Variants in DOCK3 observed in about 807,000 individuals in gnomAD.
DOCK3 encodes the protein dedicator of cytokinesis 3.
Under a neutral mutation model 265.6 loss-of-function variants are expected in DOCK3, and 60 were observed. That is an observed-to-expected ratio of 0.23 (90% confidence interval 0.18 to 0.28). DOCK3 has a LOEUF of 0.28. DOCK3 is among the 10% of genes least tolerant of loss of function. The probability of loss-of-function intolerance (pLI) is 1.00; values close to 1 mark genes in which losing one functional copy is unlikely to be tolerated. For synonymous variants in DOCK3, 881 were observed against 938.0 expected, an observed-to-expected ratio of 0.94 and a Z score of 1.11; for missense variants, 1,981 against 2,594.3, an observed-to-expected ratio of 0.76 and a Z score of 5.14.
At chr3:51,160,950 CCTGTAATCCCAGCTACTCAGGAGG>C (rs1214568154) in intron 12 of DOCK3, among the ~76,000 whole-genome samples, 4 of 152,026 alleles carry the variant, frequency 2.6e-5, no homozygotes, top group Non-Finnish European at 5.9e-5. Context: ...GTGGCACGTG[CCTGTAATCCCAGCTACTCAGGAGG>C]CTGAGGCAGG....
chr3:51,116,732 C>T (rs6806090), intron 9 of DOCK3, among the ~76,000 whole-genome samples: 137,143 of 152,168 alleles, frequency 0.9, 61,998 homozygotes, highest in African/African-American at 0.95. Flanking sequence ...CAATTTTCAA[C>T]GGGAGTTCAC....
chr3:51,276,763 C>T (rs1480359), intron 25 of DOCK3, among the ~76,000 whole-genome samples: 10,994 of 152,000 alleles, frequency 0.072, 991 homozygotes, highest in East Asian at 0.32. Flanking sequence ...AATGATAAAT[C>T]GATGGATGGG....
chr3:50,707,491 T>C (rs2036489994), intron 1 of DOCK3, among the ~76,000 whole-genome samples: 1 of 152,078 alleles, frequency 6.6e-6, no homozygotes, highest in Non-Finnish European at 1.5e-5. Flanking sequence ...AATGCAAGAA[T>C]AGCCTAATAC....
At chr3:51,375,387 A>G (rs921953638) in intron 50 of DOCK3, among the ~76,000 whole-genome samples, 2 of 152,198 alleles carry the variant, frequency 1.3e-5, no homozygotes, top group Non-Finnish European at 2.9e-5. Context: ...CCAGGAGGCT[A>G]AACCTGTCAG....
chr3:51,251,182 C>A (rs1401544098), intron 22 of DOCK3, among the ~76,000 whole-genome samples: 1 of 152,208 alleles, frequency 6.6e-6, no homozygotes, highest in Non-Finnish European at 1.5e-5. Context: ...ATCCATATCC[C>A]TACAAAGGAC....
At chr3:51,261,298 T>C (rs962325422) in intron 23 of DOCK3, among the ~76,000 whole-genome samples, 5 of 151,854 alleles carry the variant, frequency 3.3e-5, no homozygotes, top group Admixed American at 2.6e-4. Flanking sequence ...CGCCTCACCT[T>C]GGAAGTACAA....
At position 51,059,734 on chromosome 3, in the gene DOCK3, C is replaced by T. The variant is rs150385903; in HGVS notation, c.316-4714C>T. 2.3e-3 allele frequency among the ~76,000 whole-genome samples: 348 copies of T among 152,226 alleles called. 1 individual carries two copies. The highest frequency in any genetic ancestry group is 7.8e-3 in the African/African-American group (326 of 41,530). On this transcript the variant is annotated intron_variant, in intron 5 of 52. Coordinates refer to ENST00000266037, the MANE Select transcript of DOCK3 (RefSeq NM_004947.5). ...AATTTTAGTTCTCTTATTACCAGAT[C>T]TACCAGCTACCTGTATCATTACCCA...
At chr3:50,948,574 T>A (rs775647192) in intron 5 of DOCK3, among the ~76,000 whole-genome samples, 23 of 151,772 alleles carry the variant, frequency 1.5e-4, no homozygotes, top group Non-Finnish European at 1.9e-4. Flanking sequence ...TTCTTTTCTC[T>A]TCTTTTTCTT....
intron 40 of DOCK3, among the ~76,000 whole-genome samples, 168 bp from the exon 41 acceptor site, chr3:51,354,714 T>A (rs1004508981): frequency 6.6e-6 from 1 of 152,200 alleles, no homozygotes; most frequent in African/African-American, 2.4e-5. Flanking sequence ...AATTCTCGCT[T>A]TGTTTTTCTT....
At chr3:51,338,482 A>G (rs2110061165) in intron 36 of DOCK3, 63 bp downstream of exon 36, 2 of 1,540,458 alleles carry the variant, frequency 1.3e-6, no homozygotes, top group Admixed American at 2.0e-5. Flanking sequence ...CTGCACTGTG[A>G]TTGGCTTGGC....
At chr3:50,891,687 A>C (rs2048648350) in intron 4 of DOCK3, among the ~76,000 whole-genome samples, 1 of 152,110 alleles carries the variant, frequency 6.6e-6, no homozygotes, top group African/African-American at 2.4e-5. Context: ...ATCAGTAATG[A>C]GGCTGATCAG....
intron 27 of DOCK3, among the ~76,000 whole-genome samples, chr3:51,280,846 G>A (rs2081070551): frequency 6.6e-6 from 1 of 152,118 alleles, no homozygotes; most frequent in African/African-American, 2.4e-5. Flanking sequence ...AAAATACAGT[G>A]GTTTCCTGGC....
At chr3:50,954,903 T>G (rs2108340819) in intron 5 of DOCK3, among the ~76,000 whole-genome samples, 1 of 152,290 alleles carries the variant, frequency 6.6e-6, no homozygotes, top group South Asian at 2.1e-4. Flanking sequence ...TTGCCCATTC[T>G]TATGTCCAGG....
In DOCK3 at chr3:50,886,344, G is replaced by T. The variant is rs200899542; in HGVS notation, c.163-3682G>T. Among the ~76,000 whole-genome samples, 18 of 151,790 alleles carry T rather than the reference G, an allele frequency of 1.2e-4. No individual in the cohort carries two copies. In the East Asian group the frequency reaches 3.5e-3, roughly 29 times the overall value. On this transcript the variant is annotated intron_variant, in intron 3 of 52. Transcript: ENST00000266037. Reference sequence around the variant, plus strand: ...ACTATCAATTGTTTTTTTAAAAACAGATAAACGATAGTCATCATTTAGCTA... The same window carrying T: ...ACTATCAATTGTTTTTTTAAAAACATATAAACGATAGTCATCATTTAGCTA...
intron 4 of DOCK3, among the ~76,000 whole-genome samples, chr3:50,909,137 C>G (rs768590617): frequency 6.6e-6 from 1 of 151,934 alleles, no homozygotes; most frequent in Non-Finnish European, 1.5e-5. Context: ...CTCCTGAAGA[C>G]GGCATACCAA....
Position 51,064,516 on chromosome 3 carries a change from G to C in DOCK3, c.384G>C (p.Gln128His). The C allele has an allele frequency of 6.2e-7, 1 of 1,613,984 alleles. No homozygotes were observed. Among genetic ancestry groups the C allele is most frequent in the Non-Finnish European group, 8.5e-7 (1 of 1,179,872 alleles). ...ATGAACTTATTGACCTGCGAAGGCA[G>C]CTACTGTCTGGTCACCTGACTCAGG... ...VMNELIDLRR[Q>H]LLSGHLTQDQ... The change falls in exon 6 of 53, where the codon CAG becomes CAC. Residue 128 changes from glutamine (Q) to histidine (H), a missense_variant. This residue lies in a region of DOCK3 where 456 missense variants were observed against 539.0 expected (regional missense o/e 0.85). Coordinates refer to ENST00000266037, the MANE Select transcript of DOCK3 (RefSeq NM_004947.5).
intron 1 of DOCK3, among the ~76,000 whole-genome samples, chr3:50,684,514 C>T (rs183653448): frequency 1.1e-4 from 17 of 152,276 alleles, no homozygotes; most frequent in Non-Finnish European, 2.9e-5. Context: ...GTTAGAGAGG[C>T]TTAGTGCCTG....
intron 30 of DOCK3, 128 bp from the exon 31 acceptor site, chr3:51,312,716 C>T (rs779396677): frequency 1.3e-5 from 16 of 1,258,472 alleles, no homozygotes; most frequent in Non-Finnish European, 1.8e-5. Context: ...CAGTCGAGAG[C>T]CCAAAGGCTT....
intron 4 of DOCK3, among the ~76,000 whole-genome samples, chr3:50,923,116 G>A (rs1054477869): frequency 1.3e-5 from 2 of 152,244 alleles, no homozygotes; most frequent in Middle Eastern, 3.4e-3. Flanking sequence ...TTATGTCTGA[G>A]TAGTCTTCCA....
Sources: gnomAD v4.1 joint callset for allele counts (sites outside exome capture counted in the v4.1 genomes callset) on GRCh38, gnomAD v4.1.1 for gene constraint, gnomAD v4.1.1 regional missense constraint, MANE v1.5 for transcripts, NCBI Gene and HGNC (gene_info 2026-07-23, HGNC 2026-07-21) for gene names.